ABI3BP: variants seen among roughly 807,000 people sequenced by gnomAD.
The protein encoded by ABI3BP is target of Nesh-SH3.
In ABI3BP, 216 loss-of-function variants were observed where a neutral mutation model predicts 268.6. The ratio of observed to expected loss-of-function variants is 0.80; its 90% CI spans 0.72 to 0.90. The LOEUF (loss-of-function observed/expected upper bound fraction) is 0.90. Ranked by LOEUF, ABI3BP falls within the 40% of genes least tolerant of loss-of-function variation. ABI3BP has a pLI of 0.00. For synonymous variants in ABI3BP, 730 were observed against 730.0 expected (o/e 1.00, Z 0.00); for missense variants, 2,090 against 2,182.4 (o/e 0.96, Z 0.84).
intron 6 of ABI3BP, among the ~76,000 whole-genome samples, chr3:100,885,201 A>ATTATAT (rs2041372881): frequency 6.6e-6 from 1 of 152,122 alleles, no homozygotes; most frequent in African/African-American, 2.4e-5. Context: ...AGCAATGTAC[A>ATTATAT]TAAATCATGT....
chr3:100,819,731 A>T (rs1252971249), intron 40 of ABI3BP, among the ~76,000 whole-genome samples: 3 of 151,850 alleles, frequency 2.0e-5, no homozygotes, highest in African/African-American at 7.3e-5. Flanking sequence ...GCAAGCAGAT[A>T]ACAAGGTCAG....
chr3:100,907,011 C>T (rs886230885), intron 2 of ABI3BP, among the ~76,000 whole-genome samples: 3 of 152,022 alleles, frequency 2.0e-5, no homozygotes, highest in African/African-American at 7.3e-5. Flanking sequence ...TGAAAAAGGC[C>T]CTTGCTATGT....
chr3:100,797,570 T>TGG (rs2097384572), intron 51 of ABI3BP, among the ~76,000 whole-genome samples: 2 of 151,814 alleles, frequency 1.3e-5, no homozygotes, highest in Non-Finnish European at 2.9e-5. Flanking sequence ...CTGTTTTTTT[T>TGG]TTTTTTTTTT....
intron 2 of ABI3BP, among the ~76,000 whole-genome samples, chr3:100,908,400 C>A (rs1226235295): frequency 1.3e-5 from 2 of 152,040 alleles, no homozygotes; most frequent in Non-Finnish European, 2.9e-5. Flanking sequence ...AAACAGCAAG[C>A]CAAATAATGA....
chr3:100,835,762 T>C, intron 27 of ABI3BP, 102 bp from the exon 28 acceptor site: 4 of 942,072 alleles, frequency 4.2e-6, no homozygotes. Context: ...TTTAAATACA[T>C]TTCTGAACTC....
At chr3:100,758,973 C>T (rs2149459617) in intron 63 of ABI3BP, among the ~76,000 whole-genome samples, 1 of 152,232 alleles carries the variant, frequency 6.6e-6, no homozygotes. Flanking sequence ...CATTCCCTAC[C>T]CCGTTTTGAT....
rs148335923 is a variant in ABI3BP, at chr3:100,785,242, C to A, written c.4162+2486G>T. Reference sequence around the variant, plus strand: ...TAAGATGTCAAAGCTGAACATGAAACCATTTAACACAAAAATGATGCATTA... The same window carrying A: ...TAAGATGTCAAAGCTGAACATGAAAACATTTAACACAAAAATGATGCATTA... On this transcript the variant is annotated intron_variant, in intron 57 of 67. Coordinates refer to ENST00000471714, the MANE Select transcript of ABI3BP (RefSeq NM_001375547.2). Among the ~76,000 whole-genome samples, 879 of 152,110 alleles carry A rather than the reference C, an allele frequency of 5.8e-3. 9 individuals carry two copies. The highest frequency in any genetic ancestry group is 0.02 in the African/African-American group (850 of 41,500).
chr3:100,887,483 G>T (rs748146299), intron 4 of ABI3BP, among the ~76,000 whole-genome samples: 1 of 151,996 alleles, frequency 6.6e-6, no homozygotes, highest in Non-Finnish European at 1.5e-5. Flanking sequence ...CAGTGAGCAG[G>T]TGATGAGAAA....
At chr3:100,959,411 A>T (rs2078062777) in intron 1 of ABI3BP, among the ~76,000 whole-genome samples, 1 of 141,460 alleles carries the variant, frequency 7.1e-6, no homozygotes, top group Non-Finnish European at 1.5e-5. Flanking sequence ...AATGGCGTGA[A>T]CCCGGGAGGC....
At chr3:100,927,011 A>G (rs1182734336) in intron 1 of ABI3BP, among the ~76,000 whole-genome samples, 1 of 152,154 alleles carries the variant, frequency 6.6e-6, no homozygotes, top group East Asian at 1.9e-4. Flanking sequence ...GAAAATGATT[A>G]GTTCCATTGG....
chr3:100,864,060 G>A lies in ABI3BP; in HGVS notation c.1080C>T (p.Thr360=). The A allele has an allele frequency of 6.5e-7, 1 of 1,535,974 alleles. No homozygotes were observed. The highest frequency in any genetic ancestry group is 8.7e-7 in the Non-Finnish European group (1 of 1,146,678). Reference sequence around the variant, plus strand: ...TTAGAATAGTTTGCAATGTTTCCGGGGTCCTTTTGCTGAGAACTACAATAA... The same window carrying A: ...TTAGAATAGTTTGCAATGTTTCCGGAGTCCTTTTGCTGAGAACTACAATAA... ...SETTLVLSKR[T]PETLQTILIP... The change falls in exon 12 of 68, where the codon ACC becomes ACT. Residue 360 remains threonine, a synonymous_variant. Transcript: ENST00000471714.
intron 58 of ABI3BP, 25 bp downstream of exon 58, chr3:100,780,107 T>C (rs1560030122): frequency 1.2e-6 from 2 of 1,609,822 alleles, no homozygotes; most frequent in Middle Eastern, 1.7e-4. Context: ...TGAGCTGTCA[T>C]AAAAGTCAGC....
intron 1 of ABI3BP, among the ~76,000 whole-genome samples, chr3:100,929,470 G>T (rs1314641598): frequency 1.3e-5 from 2 of 151,976 alleles, no homozygotes; most frequent in Non-Finnish European, 2.9e-5. Flanking sequence ...GCATTTAGCT[G>T]TTCTACTTTT....
chr3:100,823,451 A>G lies in ABI3BP; in HGVS notation c.2803+7T>C, dbSNP rs966541993. ...GAAGCTTGTCGAAAACACTGTATCA[A>G]CGTTACCTAATGTTGTTGAGGCCTC... On this transcript the variant is annotated splice_region_variant and intron_variant, in intron 37 of 67. Transcript: ENST00000471714. 2 of 1,532,272 alleles carry G rather than the reference A, an allele frequency of 1.3e-6. No individual in the cohort carries two copies. The highest frequency in any genetic ancestry group is 2.0e-5 in the Admixed American group (1 of 50,550). The allele number at this position is 1,532,272 out of a possible 1,614,324, so 94.9% of individuals were successfully genotyped here. A position where few individuals can be genotyped will look rare whatever the true frequency, so the allele number is the denominator to read the frequency against.
intron 4 of ABI3BP, among the ~76,000 whole-genome samples, chr3:100,896,236 G>A (rs2047608817): frequency 6.6e-6 from 1 of 152,196 alleles, no homozygotes. Flanking sequence ...GGGTGAGGGT[G>A]AGGGTGAGAT....
chr3:100,835,559 G>T, intron 28 of ABI3BP, 42 bp downstream of exon 28: 1 of 1,440,048 alleles, frequency 6.9e-7, no homozygotes, highest in South Asian at 1.3e-5. Flanking sequence ...ACTAGACAAT[G>T]AGCAGAAAAA....
chr3:100,806,515 A>G (rs1487544200), intron 50 of ABI3BP, among the ~76,000 whole-genome samples: 2 of 152,116 alleles, frequency 1.3e-5, no homozygotes, highest in South Asian at 2.1e-4. Context: ...TAAGAATCAT[A>G]TTCTTGTGGG....
Position 100,957,229 on chromosome 3 carries a change from G to C in ABI3BP, c.80-30748C>G, listed in dbSNP as rs553853070. 7.9e-5 allele frequency among the ~76,000 whole-genome samples: 12 copies of C among 152,284 alleles called. No homozygotes were observed. In the East Asian group the frequency reaches 2.3e-3, roughly 29 times the overall value. Reference sequence around the variant, plus strand: ...AAGCATTTCTTGATAAAAGTTGAAAGCAGAGCTAAAAAATTTGTAGATGAA... The same window carrying C: ...AAGCATTTCTTGATAAAAGTTGAAACCAGAGCTAAAAAATTTGTAGATGAA... On this transcript the variant is annotated intron_variant, in intron 1 of 67. Coordinates refer to ENST00000471714, the MANE Select transcript of ABI3BP (RefSeq NM_001375547.2).
chr3:100,966,318 T>C (rs1330187863), intron 1 of ABI3BP, among the ~76,000 whole-genome samples: 1 of 152,242 alleles, frequency 6.6e-6, no homozygotes, highest in Non-Finnish European at 1.5e-5. Flanking sequence ...TTTTGCCAAC[T>C]TTTCTCTGGT....
Sources: gnomAD v4.1 joint callset for allele counts (sites outside exome capture counted in the v4.1 genomes callset) on GRCh38, gnomAD v4.1.1 for gene constraint, MANE v1.5 for transcripts, NCBI Gene and HGNC (gene_info 2026-07-23, HGNC 2026-07-21) for gene names.